MSTO1: variants seen among roughly 807,000 people sequenced by gnomAD.
MSTO1 encodes protein misato homolog 1.
MSTO1 carries 24 observed loss-of-function variants against 55.7 expected under a neutral mutation model. The observed-to-expected ratio is 0.43, with a 90% CI of 0.31 to 0.61. The LOEUF (loss-of-function observed/expected upper bound fraction) is 0.61. MSTO1 is among the 20% of genes least tolerant of loss of function. The probability of loss-of-function intolerance (pLI) is 0.09; values close to 1 mark genes in which losing one functional copy is unlikely to be tolerated. For missense variants in MSTO1, 363 were observed against 625.7 expected, an observed-to-expected ratio of 0.58 and a Z score of 4.48; for synonymous variants, 162 against 252.8, an observed-to-expected ratio of 0.64 and a Z score of 3.41.
the MSTO1 span, among the ~76,000 whole-genome samples, chr1:155,576,871 C>T: frequency 0.038 from 5,694 of 147,966 alleles, 376 homozygotes; most frequent in African/African-American, 0.14. Flanking sequence ...AAAAATTAGC[C>T]GGGCGTGGTG....
chr1:155,576,375 G>A, the MSTO1 span, among the ~76,000 whole-genome samples: 1 of 151,946 alleles, frequency 6.6e-6, no homozygotes. Flanking sequence ...TCACCAGGCT[G>A]GACTGCAGTG....
chr1:155,598,668 G>A, the MSTO1 span, among the ~76,000 whole-genome samples: 30 of 152,286 alleles, frequency 2.0e-4, no homozygotes, highest in African/African-American at 6.7e-4. Context: ...GTTGCAGTGA[G>A]CCAAGATCAC....
the MSTO1 span, among the ~76,000 whole-genome samples, chr1:155,579,607 T>C: frequency 6.6e-6 from 1 of 152,192 alleles, no homozygotes; most frequent in African/African-American, 2.4e-5. Flanking sequence ...CCCTTGGAGT[T>C]AATCTATCCA....
chr1:155,586,812 A>G, the MSTO1 span: 8 of 299,936 alleles, frequency 2.7e-5, no homozygotes, highest in East Asian at 6.0e-4. Context: ...CAGTGGCGCA[A>G]TCTCGGCTTG....
the MSTO1 span, among the ~76,000 whole-genome samples, chr1:155,575,027 C>T: frequency 6.6e-6 from 1 of 151,968 alleles, no homozygotes; most frequent in African/African-American, 2.4e-5. Context: ...CCGCCATGCC[C>T]AGCTAATTTT....
chr1:155,574,015 A>G, the MSTO1 span, among the ~76,000 whole-genome samples: 2 of 152,148 alleles, frequency 1.3e-5, no homozygotes, highest in Non-Finnish European at 2.9e-5. Flanking sequence ...ATTTTAAAAA[A>G]CAAAAAGATC....
chr1:155,603,388 C>CT, the MSTO1 span, among the ~76,000 whole-genome samples: 1 of 151,782 alleles, frequency 6.6e-6, no homozygotes, highest in Non-Finnish European at 1.5e-5. Flanking sequence ...CAATGAGACT[C>CT]TGTCTCAAAA....
At chr1:155,602,034 A>G in the MSTO1 span, 2 of 543,558 alleles carry the variant, frequency 3.7e-6, no homozygotes, top group South Asian at 3.1e-5. Context: ...GATTACAGGT[A>G]TGAGCCGCCG....
At chr1:155,608,397 C>T (rs1217577649), upstream of MSTO1, among the ~76,000 whole-genome samples, 2 of 152,120 alleles carry the variant, frequency 1.3e-5, no homozygotes, top group Non-Finnish European at 2.9e-5. Context: ...CCCTCACATT[C>T]TCGAATTTCT....
At chr1:155,565,317 A>C in the MSTO1 span, among the ~76,000 whole-genome samples, 21 of 151,778 alleles carry the variant, frequency 1.4e-4, no homozygotes, top group Admixed American at 1.4e-3. Flanking sequence ...AAAAAGAAAA[A>C]GAAAAGAAAT....
the MSTO1 span, among the ~76,000 whole-genome samples, chr1:155,564,898 G>A: frequency 6.6e-6 from 1 of 152,070 alleles, no homozygotes; most frequent in Non-Finnish European, 1.5e-5. Context: ...AAGGCGCATG[G>A]ATCACGAGGT....
chr1:155,585,890 C>CTA, the MSTO1 span, among the ~76,000 whole-genome samples: 12 of 151,758 alleles, frequency 7.9e-5, no homozygotes, highest in African/African-American at 2.2e-4. Context: ...TTCAGTTTTC[C>CTA]TATATATATA....
the MSTO1 span, among the ~76,000 whole-genome samples, chr1:155,593,193 C>T: frequency 1.3e-5 from 2 of 152,160 alleles, no homozygotes; most frequent in East Asian, 3.9e-4. Context: ...GGATTACAGG[C>T]GTGAGCCACC....
chr1:155,573,008 G>A, the MSTO1 span, among the ~76,000 whole-genome samples: 47 of 152,132 alleles, frequency 3.1e-4, no homozygotes, highest in Non-Finnish European at 6.0e-4. Context: ...CCTCATTAAA[G>A]TTAGGCATTT....
the MSTO1 span, among the ~76,000 whole-genome samples, chr1:155,571,157 T>C: frequency 2.0e-5 from 3 of 152,030 alleles, no homozygotes; most frequent in Non-Finnish European, 4.4e-5. Flanking sequence ...CCCATCTCTA[T>C]AAAAAAGTAA....
upstream of MSTO1, among the ~76,000 whole-genome samples, chr1:155,606,356 G>A (rs1254523576): frequency 1.3e-5 from 2 of 149,588 alleles, no homozygotes; most frequent in Admixed American, 6.6e-5. Flanking sequence ...CACTGTGCCT[G>A]GCCAAGATAC....
the MSTO1 span, among the ~76,000 whole-genome samples, chr1:155,587,718 TG>T: frequency 7.5e-6 from 1 of 133,050 alleles, no homozygotes; most frequent in Non-Finnish European, 1.5e-5. Flanking sequence ...CACTCCAGCC[TG>T]GGCGACAGAG....
chr1:155,570,763 T>C, the MSTO1 span, among the ~76,000 whole-genome samples: 1 of 151,848 alleles, frequency 6.6e-6, no homozygotes, highest in African/African-American at 2.4e-5. Flanking sequence ...AGGAAAAAAC[T>C]GTGTGTGTGT....
chr1:155,572,777 A>G, the MSTO1 span, among the ~76,000 whole-genome samples: 1 of 151,954 alleles, frequency 6.6e-6, no homozygotes, highest in Non-Finnish European at 1.5e-5. Flanking sequence ...CAGCCTCCCA[A>G]GTAACTGGGT....
Sources: gnomAD v4.1 joint callset for allele counts (sites outside exome capture counted in the v4.1 genomes callset) on GRCh38, gnomAD v4.1.1 for gene constraint, MANE v1.5 for transcripts, NCBI Gene and HGNC (gene_info 2026-07-23, HGNC 2026-07-21) for gene names.